Variants in TMTC4 observed in about 807,000 individuals in gnomAD.
TMTC4 encodes protein O-mannosyl-transferase TMTC4.
Under a neutral mutation model 86.0 loss-of-function variants are expected in TMTC4, and 65 were observed. The observed-to-expected ratio is 0.76, with a 90% confidence interval of 0.62 to 0.93. The LOEUF (loss-of-function observed/expected upper bound fraction) is 0.93, where lower values mean the gene tolerates loss of function less well. Ranked by LOEUF, TMTC4 falls within the 40% of genes least tolerant of loss-of-function variation. The pLI, the probability that TMTC4 is intolerant of heterozygous loss-of-function variation, is 0.00. For missense variants in TMTC4, 866 were observed against 948.1 expected (o/e 0.91, Z 1.14); for synonymous variants, 379 against 382.5 (o/e 0.99, Z 0.11).
Position 100,670,489 on chromosome 13 carries a change from C to G in TMTC4, c.-127G>C. On this transcript the variant is annotated 5_prime_UTR_variant, in exon 2 of 19. Coordinates refer to ENST00000342624, the MANE Select transcript of TMTC4 (RefSeq NM_032813.5). The stretch of plus-strand genomic sequence containing the variant: ...CTCACAGCCTGGCATACGGCATGCT[C>G]TCAGCAAGTGCTGGGGGAATACTGC... The G allele has an allele frequency of 1.1e-6, 1 of 917,250 alleles. No individual in the cohort carries two copies. Among genetic ancestry groups the G allele is most frequent in the Non-Finnish European group, 1.6e-6 (1 of 623,744 alleles). 56.8% of individuals were successfully genotyped at this position (917,250 alleles called of 1,614,324 possible).
chr13:100,668,854 T>C (rs961326893), intron 2 of TMTC4, 60 bp from the exon 3 acceptor site: 104 of 1,516,214 alleles, frequency 6.9e-5, no homozygotes, highest in Non-Finnish European at 9.2e-5. Flanking sequence ...GTTTCTGCAG[T>C]GGGCACCGTG....
chr13:100,609,958 T>G (rs1028413885), intron 17 of TMTC4, among the ~76,000 whole-genome samples: 3 of 152,066 alleles, frequency 2.0e-5, no homozygotes, highest in African/African-American at 7.3e-5. Flanking sequence ...TCAAAATAGG[T>G]TCTGGAAGCC....
chr13:100,670,181 C>T (rs998211596), intron 2 of TMTC4, 179 bp downstream of exon 2: 15 of 584,468 alleles, frequency 2.6e-5, no homozygotes, highest in African/African-American at 2.0e-4. Context: ...AAGAGAATTC[C>T]AGCCCCCTGA....
At chr13:100,647,142 G>A (rs933588550) in intron 6 of TMTC4, among the ~76,000 whole-genome samples, 5 of 152,168 alleles carry the variant, frequency 3.3e-5, no homozygotes, top group African/African-American at 4.8e-5. Context: ...CTCTCTTCCC[G>A]TGACACATGT....
intron 6 of TMTC4, among the ~76,000 whole-genome samples, chr13:100,653,299 G>A (rs1014033250): frequency 6.6e-6 from 1 of 152,202 alleles, no homozygotes; most frequent in Non-Finnish European, 1.5e-5. Context: ...AAGAGACTAG[G>A]AGAGGCTCCA....
At chr13:100,607,197 G>A (rs1876763251) in intron 17 of TMTC4, among the ~76,000 whole-genome samples, 2 of 152,188 alleles carry the variant, frequency 1.3e-5, no homozygotes, top group Non-Finnish European at 2.9e-5. Flanking sequence ...ATCCACCTTC[G>A]CATTCCTTAA....
intron 5 of TMTC4, among the ~76,000 whole-genome samples, chr13:100,658,453 A>C (rs1374699030): frequency 6.6e-6 from 1 of 152,046 alleles, no homozygotes; most frequent in Non-Finnish European, 1.5e-5. Flanking sequence ...TGGAATCCCA[A>C]CCCTTTAGAG....
intron 5 of TMTC4, among the ~76,000 whole-genome samples, chr13:100,662,632 C>T (rs926833536): frequency 3.3e-5 from 5 of 152,134 alleles, no homozygotes; most frequent in African/African-American, 9.7e-5. Context: ...ATTTAACATC[C>T]GTGCCTTCAC....
chr13:100,672,489 C>A (rs1887234812), intron 1 of TMTC4, among the ~76,000 whole-genome samples: 1 of 152,324 alleles, frequency 6.6e-6, no homozygotes. Flanking sequence ...ACCCTCTCTA[C>A]ATCCCTTCCC....
intron 16 of TMTC4, among the ~76,000 whole-genome samples, chr13:100,613,846 C>CCA (rs1361326073): frequency 2.1e-5 from 3 of 140,038 alleles, no homozygotes; most frequent in Non-Finnish European, 3.1e-5. Context: ...CCCGCCCCCC[C>CCA]CTTTTTTTTT....
intron 12 of TMTC4, among the ~76,000 whole-genome samples, chr13:100,632,053 A>ACACTCTCTCTCTCTCTCT (rs1296569630): frequency 2.3e-3 from 97 of 43,064 alleles, no homozygotes; most frequent in East Asian, 4.0e-3. Context: ...ACACACACAC[A>ACACTCTCTCTCTCTCTCT]CTCTCTCTCT....
intron 10 of TMTC4, 74 bp from the exon 11 acceptor site, chr13:100,635,269 A>G: frequency 7.1e-7 from 1 of 1,399,608 alleles, no homozygotes; most frequent in Non-Finnish European, 9.5e-7. Flanking sequence ...TCCACATTAA[A>G]TTAATGCTAA....
chr13:100,648,219 A>G (rs941238477), intron 6 of TMTC4, among the ~76,000 whole-genome samples: 4 of 151,870 alleles, frequency 2.6e-5, no homozygotes, highest in African/African-American at 9.7e-5. Context: ...TAGACCCACC[A>G]CTCTCCAAGA....
intron 3 of TMTC4, among the ~76,000 whole-genome samples, chr13:100,665,358 C>T (rs1886266566): frequency 6.6e-6 from 1 of 152,194 alleles, no homozygotes; most frequent in African/African-American, 2.4e-5. Context: ...GATCACTTCC[C>T]CGGGTTGTCC....
At chr13:100,616,804 G>A (rs1053144749) in intron 15 of TMTC4, among the ~76,000 whole-genome samples, 2 of 152,278 alleles carry the variant, frequency 1.3e-5, no homozygotes, top group African/African-American at 2.4e-5. Flanking sequence ...TTTGTTAGCT[G>A]CTTGTATGTC....
At chr13:100,674,282 G>A (rs1887535567) in intron 1 of TMTC4, 1 of 979,286 alleles carries the variant, frequency 1.0e-6, no homozygotes. Context: ...AGGGCAGGCG[G>A]CCAAGCGGCC....
intron 12 of TMTC4, among the ~76,000 whole-genome samples, chr13:100,629,957 TG>T (rs1881103678): frequency 6.6e-6 from 1 of 152,028 alleles, no homozygotes; most frequent in Non-Finnish European, 1.5e-5. Flanking sequence ...GCTGACACCC[TG>T]ATGTGACAAT....
In TMTC4 at chr13:100,626,078, C is replaced by G. The variant is rs751769152; in HGVS notation, c.1579G>C (p.Ala527Pro). Residue 527 changes from alanine (A) to proline (P), a missense_variant, in exon 13 of 19, where the codon GCT (alanine) becomes CCT (proline). Coordinates refer to ENST00000342624, the MANE Select transcript of TMTC4 (RefSeq NM_032813.5). ...AAGACATACTCGCCATACCTTACAG[C>G]TTCCCGGTAGTATCTGATGGCAGCT... ...QTAAIRYYRE[A>P]VRLNPKYVHA... The G allele has an allele frequency of 1.9e-6, 3 of 1,614,216 alleles. No homozygotes were observed. The highest frequency in any genetic ancestry group is 2.5e-6 in the Non-Finnish European group (3 of 1,180,038).
intron 6 of TMTC4, among the ~76,000 whole-genome samples, chr13:100,642,783 T>C (rs1883199044): frequency 6.6e-6 from 1 of 152,194 alleles, no homozygotes; most frequent in African/African-American, 2.4e-5. Context: ...AATAGGAGTT[T>C]GGGCCCTGTG....
Sources: gnomAD v4.1 joint callset for allele counts (sites outside exome capture counted in the v4.1 genomes callset) on GRCh38, gnomAD v4.1.1 for gene constraint, MANE v1.5 for transcripts, NCBI Gene and HGNC (gene_info 2026-07-23, HGNC 2026-07-21) for gene names.